Variants in FGF12 observed in about 807,000 individuals in gnomAD.
FGF12 encodes fibroblast growth factor 12, also known as fibroblast growth factor 12B.
A neutral mutation model predicts 23.6 loss-of-function variants in FGF12; 14 were observed. The ratio of observed to expected loss-of-function variants is 0.59; its 90% CI spans 0.39 to 0.93. The LOEUF is 0.93. Among genes scored for constraint, FGF12 ranks in the 40% least tolerant of loss-of-function variants. The pLI is 0.00. For synonymous variants in FGF12, 62 were observed against 77.3 expected (o/e 0.80, Z 1.04); for missense variants, 175 against 217.8 (o/e 0.80, Z 1.24).
chr3:192,440,804 G>A (rs771182691), intron 2 of FGF12, among the ~76,000 whole-genome samples: 1 of 152,198 alleles, frequency 6.6e-6, no homozygotes, highest in Non-Finnish European at 1.5e-5. Context: ...TTCAGTCCCT[G>A]TAAGCATCCC....
chr3:192,334,778 A>G (rs1325506690), intron 4 of FGF12, among the ~76,000 whole-genome samples: 1 of 152,180 alleles, frequency 6.6e-6, no homozygotes. Flanking sequence ...CCAAAGGGAT[A>G]TCAAGATAGT....
intron 4 of FGF12, among the ~76,000 whole-genome samples, chr3:192,209,499 C>T (rs1717822450): frequency 6.6e-6 from 1 of 152,166 alleles, no homozygotes. Flanking sequence ...TTAGCTGACA[C>T]AGGTTATATC....
At chr3:192,548,849 A>T (rs1324344670) in intron 2 of FGF12, among the ~76,000 whole-genome samples, 4 of 152,174 alleles carry the variant, frequency 2.6e-5, no homozygotes, top group African/African-American at 9.7e-5. Context: ...AAAAAATGGA[A>T]AGGAAAGCTG....
intron 4 of FGF12, among the ~76,000 whole-genome samples, chr3:192,299,663 C>G (rs1165391640): frequency 6.6e-6 from 1 of 152,136 alleles, no homozygotes; most frequent in Non-Finnish European, 1.5e-5. Context: ...AATGTCTTAA[C>G]AGTGCTGATA....
At chr3:192,546,260 T>C (rs1461805452) in intron 2 of FGF12, among the ~76,000 whole-genome samples, 1 of 152,110 alleles carries the variant, frequency 6.6e-6, no homozygotes, top group African/African-American at 2.4e-5. Flanking sequence ...CTATGAGATA[T>C]TATACATATA....
intron 4 of FGF12, among the ~76,000 whole-genome samples, chr3:192,270,787 GGAAGGAA>G (rs1260140986): frequency 8.6e-4 from 38 of 44,188 alleles, no homozygotes; most frequent in African/African-American, 3.3e-3. Context: ...AAGAAAAGTG[GGAAGGAA>G]GGAAGGAAGG....
chr3:192,705,050 T>C (rs1343604503), intron 2 of FGF12, among the ~76,000 whole-genome samples: 1 of 152,244 alleles, frequency 6.6e-6, no homozygotes, highest in African/African-American at 2.4e-5. Context: ...TCCAGATCAC[T>C]ACAACTTTCT....
At chr3:192,364,986 T>A (rs537367708) in intron 2 of FGF12, among the ~76,000 whole-genome samples, 13 of 152,170 alleles carry the variant, frequency 8.5e-5, no homozygotes, top group Middle Eastern at 3.4e-3. Flanking sequence ...GCACTTTACC[T>A]CTGTGATCTT....
intron 4 of FGF12, among the ~76,000 whole-genome samples, chr3:192,275,158 GCTCCTGCAC>G (rs1354368336): frequency 6.6e-6 from 1 of 152,086 alleles, no homozygotes. Context: ...TTTAGACTGA[GCTCCTGCAC>G]CAAGCCCAAC....
chr3:192,289,929 T>A (rs532921269), intron 4 of FGF12, among the ~76,000 whole-genome samples: 12 of 152,148 alleles, frequency 7.9e-5, no homozygotes, highest in Non-Finnish European at 1.6e-4. Flanking sequence ...CAGAAAAGGT[T>A]TTATCATCTT....
intron 2 of FGF12, among the ~76,000 whole-genome samples, chr3:192,706,818 T>A (rs1201336199): frequency 6.6e-6 from 1 of 152,196 alleles, no homozygotes. Flanking sequence ...GTTACAGAGA[T>A]AGAATCAAAG....
chr3:192,256,701 T>C (rs940638476), intron 4 of FGF12, among the ~76,000 whole-genome samples: 2 of 152,138 alleles, frequency 1.3e-5, no homozygotes, highest in Non-Finnish European at 2.9e-5. Flanking sequence ...AGCATAAAAA[T>C]AGTAAAGTAG....
intron 2 of FGF12, among the ~76,000 whole-genome samples, chr3:192,618,213 G>C (rs904353194): frequency 6.8e-6 from 1 of 148,114 alleles, no homozygotes. Flanking sequence ...GTGAAAAAGA[G>C]TACATTCTTT....
At chr3:192,363,034 A>G (rs1198426388) in intron 2 of FGF12, among the ~76,000 whole-genome samples, 1 of 151,716 alleles carries the variant, frequency 6.6e-6, no homozygotes, top group Admixed American at 6.6e-5. Context: ...GTGGGAATTG[A>G]ACAATGAGAA....
rs370025229 is a variant in FGF12 at position 192,185,338 on chromosome 3, T to C, written c.229-14682A>G. Among the ~76,000 whole-genome samples the C allele has an allele frequency of 2.0e-5, 3 of 152,262 alleles. No homozygotes were observed. In the East Asian group the frequency reaches 5.8e-4, roughly 29 times the overall value. ...TAGCTGGCATCTGACACCCAGTAGC[T>C]CCTCCATAACTGTTTGTAAATGAGC... On this transcript the variant is annotated intron_variant, in intron 4 of 5. Coordinates refer to ENST00000445105, the MANE Select transcript of FGF12 (RefSeq NM_004113.6).
intron 2 of FGF12, among the ~76,000 whole-genome samples, chr3:192,615,135 G>A (rs1208436161): frequency 1.3e-5 from 2 of 151,890 alleles, no homozygotes; most frequent in Non-Finnish European, 2.9e-5. Flanking sequence ...CCTTCACGGA[G>A]TTTACAGTAT....
At chr3:192,149,137 T>A (rs963784886) in intron 5 of FGF12, among the ~76,000 whole-genome samples, 2 of 152,112 alleles carry the variant, frequency 1.3e-5, no homozygotes, top group Admixed American at 6.5e-5. Context: ...TGATAGCAAA[T>A]GAAGAGTTAA....
chr3:192,325,260 TA>T (rs1460344315), intron 4 of FGF12, among the ~76,000 whole-genome samples: 1 of 152,130 alleles, frequency 6.6e-6, no homozygotes, highest in East Asian at 1.9e-4. Flanking sequence ...GCAAAATAGA[TA>T]ATCCTTTTCC....
At chr3:192,260,671 A>G (rs1712691141) in intron 4 of FGF12, among the ~76,000 whole-genome samples, 1 of 152,204 alleles carries the variant, frequency 6.6e-6, no homozygotes. Flanking sequence ...GCCTGTTATC[A>G]GATTTCTCCA....
Sources: gnomAD v4.1 joint callset for allele counts (sites outside exome capture counted in the v4.1 genomes callset) on GRCh38, gnomAD v4.1.1 for gene constraint, MANE v1.5 for transcripts, NCBI Gene and HGNC (gene_info 2026-07-23, HGNC 2026-07-21) for gene names.